CRYZL1: variants seen among roughly 807,000 people sequenced by gnomAD.
CRYZL1 encodes crystallin zeta like 1.
In CRYZL1, 34 loss-of-function variants were observed where a neutral mutation model predicts 50.6. The ratio of observed to expected loss-of-function variants is 0.67; its 90% confidence interval spans 0.51 to 0.89. The LOEUF (loss-of-function observed/expected upper bound fraction) is 0.89, where lower values mean the gene tolerates loss of function less well. Among genes scored for constraint, CRYZL1 ranks in the 40% least tolerant of loss-of-function variants. CRYZL1 has a pLI of 0.00. For synonymous variants in CRYZL1, 125 were observed against 134.3 expected, an observed-to-expected ratio of 0.93 and a Z score of 0.48; for missense variants, 354 against 402.3, an observed-to-expected ratio of 0.88 and a Z score of 1.03.
intron 1 of CRYZL1, among the ~76,000 whole-genome samples, chr21:33,634,849 C>A (rs1310900840): frequency 6.8e-6 from 1 of 147,934 alleles, no homozygotes; most frequent in East Asian, 2.0e-4. Flanking sequence ...TGTTTGTACC[C>A]CTAGTATCCC....
chr21:33,640,550 A>G (rs1398107785), intron 1 of CRYZL1, among the ~76,000 whole-genome samples: 1 of 152,108 alleles, frequency 6.6e-6, no homozygotes, highest in Non-Finnish European at 1.5e-5. Context: ...CCTGCAAAGC[A>G]CTCAGCGCAA....
chr21:33,609,725 C>T (rs1042830662), intron 6 of CRYZL1, among the ~76,000 whole-genome samples: 1 of 151,808 alleles, frequency 6.6e-6, no homozygotes, highest in Non-Finnish European at 1.5e-5. Context: ...GACAGAGTCT[C>T]GCTCTATCGC....
At chr21:33,634,411 C>T (rs1347054825) in intron 1 of CRYZL1, among the ~76,000 whole-genome samples, 1 of 152,230 alleles carries the variant, frequency 6.6e-6, no homozygotes, top group Non-Finnish European at 1.5e-5. Flanking sequence ...TGACAGAATG[C>T]TGTAATTTAG....
intron 4 of CRYZL1, among the ~76,000 whole-genome samples, chr21:33,621,381 G>C (rs1179968997): frequency 6.7e-6 from 1 of 148,164 alleles, no homozygotes; most frequent in Non-Finnish European, 1.5e-5. Flanking sequence ...CGCACTTGTC[G>C]CCCAGGCTGG....
rs115580655 is a variant in CRYZL1 at position 33,597,225 on chromosome 21, T to G, written c.798+55A>C. 1.2e-3 allele frequency: 1,916 copies of G among 1,565,828 alleles called. 23 individuals are homozygous for G. The African/African-American group carries it at 0.024, about 19-fold the overall frequency. On this transcript the variant is annotated intron_variant, in intron 10 of 12. Transcript: ENST00000381554. ...CCTCAAATAACTTAGGCATTATTGT[T>G]TGTTAATTACACCCCTTTGGTGTAA...
At chr21:33,637,519 C>A (rs2087223040) in intron 1 of CRYZL1, among the ~76,000 whole-genome samples, 1 of 151,294 alleles carries the variant, frequency 6.6e-6, no homozygotes, top group Non-Finnish European at 1.5e-5. Flanking sequence ...CGGGCTGTGG[C>A]GATAGGCTGC....
chr21:33,608,377 C>G (rs1267066988), intron 6 of CRYZL1, among the ~76,000 whole-genome samples: 1 of 152,170 alleles, frequency 6.6e-6, no homozygotes, highest in African/African-American at 2.4e-5. Flanking sequence ...ATTGCTTGAA[C>G]CTGGGAGGCG....
At chr21:33,640,117 C>T (rs973543058) in intron 1 of CRYZL1, 47 of 1,542,162 alleles carry the variant, frequency 3.0e-5, no homozygotes, top group Non-Finnish European at 3.8e-5. Context: ...TGAGCCACCA[C>T]GCTCGGCCAA....
intron 2 of CRYZL1, among the ~76,000 whole-genome samples, chr21:33,629,204 G>A (rs546154196): frequency 5.5e-4 from 84 of 152,270 alleles, no homozygotes; most frequent in African/African-American, 2.0e-3. Flanking sequence ...CAGTGTGGGT[G>A]ATGGCGCAAG....
intron 1 of CRYZL1, among the ~76,000 whole-genome samples, chr21:33,638,546 T>C (rs1471296423): frequency 2.6e-5 from 4 of 152,192 alleles, no homozygotes; most frequent in East Asian, 3.8e-4. Context: ...TGCATGGTTA[T>C]AACAGTTGAG....
At chr21:33,593,685 C>T (rs115467590) in intron 11 of CRYZL1, among the ~76,000 whole-genome samples, 1 of 152,018 alleles carries the variant, frequency 6.6e-6, no homozygotes, top group Non-Finnish European at 1.5e-5. Flanking sequence ...ATGTAAGATT[C>T]AAAACTAATA....
intron 7 of CRYZL1, among the ~76,000 whole-genome samples, chr21:33,602,760 T>C (rs543071379): frequency 3.2e-4 from 49 of 152,346 alleles, no homozygotes; most frequent in Admixed American, 6.5e-4. Context: ...TGTTCAGACC[T>C]ATAGGGTAAG....
At chr21:33,640,907 T>C (rs1233281711) in intron 1 of CRYZL1, among the ~76,000 whole-genome samples, 2 of 152,242 alleles carry the variant, frequency 1.3e-5, no homozygotes, top group Non-Finnish European at 2.9e-5. Context: ...AATCTCAATT[T>C]TTAAATATTT....
Position 33,591,214 on chromosome 21 carries a change from G to A in CRYZL1, c.905-7C>T, listed in dbSNP as rs1409469367. ...ATCACATCCTTTAAGATACGTAGCT[G>A]GAAGGATTGTTAAGGTGGCAATGTA... On this transcript the variant is annotated splice_polypyrimidine_tract_variant and splice_region_variant and intron_variant, in intron 11 of 12. Transcript: ENST00000381554. 1 of 1,607,836 alleles carries A rather than the reference G, an allele frequency of 6.2e-7. No individual in the cohort carries two copies. The highest frequency in any genetic ancestry group is 8.5e-7 in the Non-Finnish European group (1 of 1,174,392).
At chr21:33,595,411 G>GT in intron 11 of CRYZL1, 1 of 1,336,946 alleles carries the variant, frequency 7.5e-7, no homozygotes, top group South Asian at 1.2e-5. Context: ...AATCTTCCAG[G>GT]TATCTTAGGG....
intron 1 of CRYZL1, among the ~76,000 whole-genome samples, chr21:33,639,019 C>T (rs915684231): frequency 2.6e-5 from 4 of 152,176 alleles, no homozygotes; most frequent in African/African-American, 9.7e-5. Context: ...ATAATCTCTA[C>T]ATCTTATGCA....
Position 33,640,218 on chromosome 21 carries a change from A to C in CRYZL1, c.-7+1463T>G, listed in dbSNP as rs1175753706. 2.6e-6 allele frequency: 4 copies of C among 1,546,692 alleles called. No individual in the cohort carries two copies. In the African/African-American group the frequency reaches 5.5e-5, roughly 21 times the overall value. Reference sequence around the variant, plus strand: ...AAAAAGAGCATAGTTAATCTTAGAAATATTTCATTGCACAAGGCTGGCAGC... The same window carrying C: ...AAAAAGAGCATAGTTAATCTTAGAACTATTTCATTGCACAAGGCTGGCAGC... On this transcript the variant is annotated intron_variant, in intron 1 of 12. Transcript: ENST00000381554.
Position 33,591,976 on chromosome 21 carries a change from G to GA in CRYZL1, c.905-770dup, listed in dbSNP as rs898115624. Among the ~76,000 whole-genome samples the GA allele has an allele frequency of 8.2e-3, 1,168 of 142,934 alleles. 41 individuals are homozygous for GA. Among genetic ancestry groups the GA allele is most frequent in the Admixed American group, 0.067 (962 of 14,408 alleles). The allele number at this position is 142,934 out of a possible 152,430, so 93.8% of individuals were successfully genotyped here. On this transcript the variant is annotated intron_variant, in intron 11 of 12. Transcript: ENST00000381554. Reference sequence around the variant, plus strand: ...GTCTCAAAAGAAAAAAAAAAAGAAAGAAAAAAAAAATGGCCTAGTATTTGC... The same window carrying GA: ...GTCTCAAAAGAAAAAAAAAAAGAAAGAAAAAAAAAAATGGCCTAGTATTTGC...
At chr21:33,600,752 A>G (rs2086742946) in intron 8 of CRYZL1, among the ~76,000 whole-genome samples, 1 of 149,808 alleles carries the variant, frequency 6.7e-6, no homozygotes. Context: ...CAGCCTCCCG[A>G]GTAGCTGGGA....
Sources: gnomAD v4.1 joint callset for allele counts (sites outside exome capture counted in the v4.1 genomes callset) on GRCh38, gnomAD v4.1.1 for gene constraint, MANE v1.5 for transcripts, NCBI Gene and HGNC (gene_info 2026-07-23, HGNC 2026-07-21) for gene names.